Variants in DOCK4 observed in about 807,000 individuals in gnomAD.
DOCK4 encodes dedicator of cytokinesis 4.
DOCK4 carries 97 observed loss-of-function variants against 268.1 expected under a neutral mutation model. The ratio of observed to expected loss-of-function variants is 0.36; its 90% confidence interval spans 0.31 to 0.43. The LOEUF (loss-of-function observed/expected upper bound fraction) is 0.43. Ranked by LOEUF, DOCK4 falls within the 20% of genes least tolerant of loss-of-function variation. DOCK4 has a pLI of 1.00. For synonymous variants in DOCK4, 954 were observed against 887.2 expected (o/e 1.08, Z -1.34); for missense variants, 2,145 against 2,455.7 (o/e 0.87, Z 2.67).
chr7:111,962,844 G>C (rs1280666790), intron 8 of DOCK4, among the ~76,000 whole-genome samples: 2 of 152,138 alleles, frequency 1.3e-5, no homozygotes, highest in Admixed American at 1.3e-4. Context: ...AAGCAGACAG[G>C]AAACCTCATC....
chr7:111,934,593 G>A (rs1290167464), intron 12 of DOCK4, among the ~76,000 whole-genome samples: 7 of 143,156 alleles, frequency 4.9e-5, no homozygotes, highest in African/African-American at 1.0e-4. Context: ...GCAGTGGCGC[G>A]ACCTTGGCTC....
At chr7:111,914,099 G>A (rs1219384662) in intron 13 of DOCK4, among the ~76,000 whole-genome samples, 1 of 152,234 alleles carries the variant, frequency 6.6e-6, no homozygotes, top group Non-Finnish European at 1.5e-5. Flanking sequence ...CCTTCAATAA[G>A]ATTCTACAAC....
intron 1 of DOCK4, among the ~76,000 whole-genome samples, chr7:112,151,832 C>CCAAAAAA (rs112562618): frequency 1.3e-5 from 2 of 148,414 alleles, no homozygotes; most frequent in African/African-American, 2.5e-5. Context: ...AATCTGATGA[C>CCAAAAAA]CAAAAAACAA....
chr7:111,778,488 T>C (rs1004165240), intron 35 of DOCK4, 119 bp from the exon 36 acceptor site: 1 of 508,824 alleles, frequency 2.0e-6, no homozygotes, highest in African/African-American at 2.0e-5. Flanking sequence ...TTTTTCCATG[T>C]AAATATCTCT....
chr7:112,087,304 T>C (rs1032932327), intron 1 of DOCK4, among the ~76,000 whole-genome samples: 6 of 152,132 alleles, frequency 3.9e-5, no homozygotes, highest in Non-Finnish European at 7.4e-5. Context: ...TGCTAGGTAA[T>C]ACATACCCCT....
At chr7:112,129,472 T>C (rs1364117556) in intron 1 of DOCK4, among the ~76,000 whole-genome samples, 1 of 152,088 alleles carries the variant, frequency 6.6e-6, no homozygotes, top group African/African-American at 2.4e-5. Context: ...ACATATACCA[T>C]ACGTGAGACT....
At chr7:112,061,297 C>T (rs1247951671) in intron 1 of DOCK4, among the ~76,000 whole-genome samples, 1 of 152,176 alleles carries the variant, frequency 6.6e-6, no homozygotes, top group African/African-American at 2.4e-5. Flanking sequence ...GGCTGCCCTG[C>T]CCCACACCCT....
intron 8 of DOCK4, among the ~76,000 whole-genome samples, chr7:111,949,112 A>G (rs2134855610): frequency 6.6e-6 from 1 of 152,198 alleles, no homozygotes; most frequent in Admixed American, 6.5e-5. Context: ...CAATGTGAGC[A>G]TTTTCCCTTC....
intron 1 of DOCK4, among the ~76,000 whole-genome samples, chr7:112,074,277 C>T (rs1286053350): frequency 6.6e-6 from 1 of 152,160 alleles, no homozygotes; most frequent in Non-Finnish European, 1.5e-5. Flanking sequence ...GCAAATATTA[C>T]ATCCACAGGT....
intron 36 of DOCK4, among the ~76,000 whole-genome samples, chr7:111,773,790 G>A (rs1287778564): frequency 6.6e-6 from 1 of 151,974 alleles, no homozygotes; most frequent in Non-Finnish European, 1.5e-5. Flanking sequence ...GCCAAAGCAG[G>A]TGGATCTTCT....
intron 1 of DOCK4, among the ~76,000 whole-genome samples, chr7:112,010,685 T>C (rs1259824965): frequency 6.6e-6 from 1 of 152,152 alleles, no homozygotes; most frequent in Admixed American, 6.5e-5. Context: ...GGCACAAATA[T>C]ATGCACACTC....
At chr7:111,886,282 T>C (rs1282276915) in intron 16 of DOCK4, among the ~76,000 whole-genome samples, 1 of 152,230 alleles carries the variant, frequency 6.6e-6, no homozygotes, top group East Asian at 1.9e-4. Flanking sequence ...AATACCTTTC[T>C]TTGGGGAACT....
intron 10 of DOCK4, among the ~76,000 whole-genome samples, chr7:111,943,518 C>G (rs919157796): frequency 1.3e-5 from 2 of 152,196 alleles, no homozygotes; most frequent in Admixed American, 1.3e-4. Flanking sequence ...CCACATTTTA[C>G]TTTAACCATT....
chr7:111,781,524 G>C (rs1049063321), intron 35 of DOCK4, among the ~76,000 whole-genome samples: 5 of 152,162 alleles, frequency 3.3e-5, no homozygotes, highest in African/African-American at 1.2e-4. Flanking sequence ...GTTACCGTTG[G>C]GTCTAATGAA....
In DOCK4 at chr7:111,925,442, G is replaced by C. The variant is rs560629572; in HGVS notation, c.1067-9538C>G. Among the ~76,000 whole-genome samples, 3 of 152,288 alleles carry C rather than the reference G, an allele frequency of 2.0e-5. No individual in the cohort carries two copies. In the South Asian group the frequency reaches 6.2e-4, roughly 32 times the overall value. On this transcript the variant is annotated intron_variant, in intron 12 of 52. Transcript: ENST00000428084. ...ATTTCTAGAAAGTGTGAGGTATTAA[G>C]TGAGACAATACTATCGGAAAATGAG...
chr7:111,864,562 A>T (rs1471575935), intron 22 of DOCK4, among the ~76,000 whole-genome samples: 3 of 152,160 alleles, frequency 2.0e-5, no homozygotes, highest in Non-Finnish European at 4.4e-5. Flanking sequence ...TCAAACTCAA[A>T]TTTAAGAATT....
Position 111,926,020 on chromosome 7 carries a change from G to C in DOCK4, c.1066+9520C>G, listed in dbSNP as rs553069624. On this transcript the variant is annotated intron_variant, in intron 12 of 52. Transcript: ENST00000428084. Reference sequence around the variant, plus strand: ...TGAGGCAGGGGAATCACTTGAACCCGGGAGGCGGAGGTTGTAGTGAGCCGA... The same window carrying C: ...TGAGGCAGGGGAATCACTTGAACCCCGGAGGCGGAGGTTGTAGTGAGCCGA... Among the ~76,000 whole-genome samples, 6 of 149,244 alleles carry C rather than the reference G, an allele frequency of 4.0e-5. 1 individual carries two copies. The South Asian group carries it at 1.1e-3, about 26-fold the overall frequency.
chr7:111,734,254 C>A (rs1056624970), intron 51 of DOCK4, among the ~76,000 whole-genome samples: 6 of 152,038 alleles, frequency 3.9e-5, no homozygotes, highest in Non-Finnish European at 5.9e-5. Context: ...GGCTGAAGTG[C>A]AGTGGTGCCA....
At chr7:111,826,799 T>C (rs1421059943) in intron 26 of DOCK4, among the ~76,000 whole-genome samples, 1 of 152,180 alleles carries the variant, frequency 6.6e-6, no homozygotes, top group African/African-American at 2.4e-5. Flanking sequence ...ATTTGGGTGA[T>C]GGACTCAACT....
Sources: gnomAD v4.1 joint callset for allele counts (sites outside exome capture counted in the v4.1 genomes callset) on GRCh38, gnomAD v4.1.1 for gene constraint, MANE v1.5 for transcripts, NCBI Gene and HGNC (gene_info 2026-07-23, HGNC 2026-07-21) for gene names.